SERPINH1: variants seen among roughly 807,000 people sequenced by gnomAD.
SERPINH1 encodes the protein serpin family H member 1, also known as serpin H1.
Under a neutral mutation model 32.3 loss-of-function variants are expected in SERPINH1, and 22 were observed. The observed-to-expected ratio is 0.68, with a 90% CI of 0.49 to 0.97. The LOEUF (loss-of-function observed/expected upper bound fraction) is 0.97. SERPINH1 is among the 50% of genes least tolerant of loss of function. The pLI is 0.00. For missense variants in SERPINH1, 543 were observed against 576.4 expected (o/e 0.94, Z 0.59); for synonymous variants, 251 against 245.9 (o/e 1.02, Z -0.19).
At chr11:75,568,690 C>T (rs769770929) in intron 2 of SERPINH1, 41 bp from the exon 3 acceptor site, 19 of 1,346,692 alleles carry the variant, frequency 1.4e-5, no homozygotes, top group South Asian at 3.5e-5. Flanking sequence ...TGTTTGGGGG[C>T]GGCCATGTGT....
chr11:75,565,209 T>C (rs184401543), intron 1 of SERPINH1, among the ~76,000 whole-genome samples: 12 of 152,310 alleles, frequency 7.9e-5, no homozygotes, highest in Admixed American at 6.5e-4. Flanking sequence ...GGAGGAGGCC[T>C]GAGGGCAACC....
chr11:75,568,685 G>A, intron 2 of SERPINH1, 46 bp from the exon 3 acceptor site: 1 of 1,294,348 alleles, frequency 7.7e-7, no homozygotes, highest in Non-Finnish European at 1.1e-6. Context: ...GATTGTGTTT[G>A]GGGGCGGCCA....
chr11:75,564,079 C>G (rs376432771), intron 1 of SERPINH1, among the ~76,000 whole-genome samples: 2 of 152,152 alleles, frequency 1.3e-5, no homozygotes, highest in East Asian at 1.9e-4. Context: ...GATTCATGTG[C>G]GGATGGGAAG....
At chr11:75,570,448 C>T (rs954157742) in intron 4 of SERPINH1, among the ~76,000 whole-genome samples, 4 of 152,186 alleles carry the variant, frequency 2.6e-5, no homozygotes, top group South Asian at 2.1e-4. Context: ...TGTCCCACCC[C>T]CTTCTCCCCT....
chr11:75,565,719 G>A (rs1253785635), intron 1 of SERPINH1, among the ~76,000 whole-genome samples: 1 of 152,222 alleles, frequency 6.6e-6, no homozygotes, highest in Non-Finnish European at 1.5e-5. Context: ...TAACATCCCA[G>A]AGCAGAATGA....
chr11:75,565,084 C>T (rs1942050125), intron 1 of SERPINH1, among the ~76,000 whole-genome samples: 1 of 152,144 alleles, frequency 6.6e-6, no homozygotes, highest in Non-Finnish European at 1.5e-5. Context: ...GGATAATGGC[C>T]CGAAGGGAGA....
chr11:75,564,482 G>A (rs1015967655), intron 1 of SERPINH1, among the ~76,000 whole-genome samples: 1 of 152,216 alleles, frequency 6.6e-6, no homozygotes, highest in African/African-American at 2.4e-5. Context: ...CTGGATCAGA[G>A]GTGGCTTTTG....
intron 4 of SERPINH1, among the ~76,000 whole-genome samples, chr11:75,569,794 A>G (rs1425359605): frequency 2.0e-5 from 3 of 152,156 alleles, no homozygotes; most frequent in Admixed American, 6.6e-5. Context: ...CATCTTAGAG[A>G]TGAGGAAACT....
intron 1 of SERPINH1, among the ~76,000 whole-genome samples, chr11:75,564,592 T>C (rs1942040198): frequency 6.6e-6 from 1 of 152,240 alleles, no homozygotes; most frequent in East Asian, 1.9e-4. Flanking sequence ...ATATGGTTGC[T>C]CTGCCTTTGA....
Position 75,572,144 on chromosome 11 carries a change from C to A in SERPINH1, c.*61C>A. ...CAAAGGCTCCTGAGACACATGGGTGCTATTGGGGTTGGGGGGGAGGTGAGG... is the reference window on the plus strand; with the variant it reads ...CAAAGGCTCCTGAGACACATGGGTGATATTGGGGTTGGGGGGGAGGTGAGG... On this transcript the variant is annotated 3_prime_UTR_variant, in exon 5 of 5. Coordinates refer to ENST00000358171, the MANE Select transcript of SERPINH1 (RefSeq NM_001235.5). 1 of 1,521,850 alleles carries A rather than the reference C, an allele frequency of 6.6e-7. No individual in the cohort carries two copies. The highest frequency in any genetic ancestry group is 9.1e-7 in the Non-Finnish European group (1 of 1,103,446). The allele number at this position is 1,521,850 out of a possible 1,614,324, so 94.3% of individuals were successfully genotyped here.
rs778537327 is a variant in SERPINH1 at position 75,568,769 on chromosome 11, A to G, written c.661A>G (p.Asn221Asp). ...GAAATTCCACCACAAGATGGTGGACAACCGTGGCTTCATGGTGACTCGGTC... is the reference window on the plus strand; with the variant it reads ...GAAATTCCACCACAAGATGGTGGACGACCGTGGCTTCATGGTGACTCGGTC... ...DEKFHHKMVDNRGFMVTRSYT... is the reference protein window; with the variant it reads ...DEKFHHKMVDDRGFMVTRSYT... Residue 221 changes from asparagine to aspartate, a missense_variant, in exon 3 of 5, where the codon AAC (asparagine) becomes GAC (aspartate). Transcript: ENST00000358171. The G allele has an allele frequency of 6.2e-7, 1 of 1,613,842 alleles. No homozygotes were observed. Among genetic ancestry groups the G allele is most frequent in the East Asian group, 2.2e-5 (1 of 44,878 alleles).
chr11:75,568,396 A>C (rs760787885), intron 2 of SERPINH1: 3 of 407,174 alleles, frequency 7.4e-6, no homozygotes, highest in Non-Finnish European at 1.4e-5. Flanking sequence ...CCCACCTCAG[A>C]GCATGTTTCC....
intron 4 of SERPINH1, among the ~76,000 whole-genome samples, chr11:75,570,752 G>A (rs1942182464): frequency 6.6e-6 from 1 of 152,230 alleles, no homozygotes; most frequent in African/African-American, 2.4e-5. Flanking sequence ...TGAGAGCCAG[G>A]GAGAGCGCTG....
chr11:75,571,633 G>A, intron 4 of SERPINH1, 148 bp from the exon 5 acceptor site: 1 of 712,292 alleles, frequency 1.4e-6, no homozygotes, highest in Non-Finnish European at 2.5e-6. Flanking sequence ...GATTTGAAGT[G>A]CCAGTGCCAT....
chr11:75,569,841 C>G (rs1942167296), intron 4 of SERPINH1, among the ~76,000 whole-genome samples: 1 of 152,182 alleles, frequency 6.6e-6, no homozygotes, highest in South Asian at 2.1e-4. Context: ...TGCAAAGTCA[C>G]ACAGCTAGTA....
rs111736118 is a variant in SERPINH1 at position 75,572,299 on chromosome 11, C to T, written c.*216C>T. ...GCCCCAGATACCATGATGCTGAGCCCGGAAACTCCACATCCTGTGGGACCT... is the reference window on the plus strand; with the variant it reads ...GCCCCAGATACCATGATGCTGAGCCTGGAAACTCCACATCCTGTGGGACCT... On this transcript the variant is annotated 3_prime_UTR_variant, in exon 5 of 5. Coordinates refer to ENST00000358171, the MANE Select transcript of SERPINH1 (RefSeq NM_001235.5). 220 of 617,438 alleles carry T rather than the reference C, an allele frequency of 3.6e-4. 1 individual carries two copies. Among genetic ancestry groups the T allele is most frequent in the African/African-American group, 3.2e-3 (178 of 55,000 alleles). 38.2% of individuals were successfully genotyped at this position (617,438 alleles called of 1,614,324 possible).
rs771012011 is a variant in SERPINH1 at position 75,569,093 on chromosome 11, C to G, written c.876C>G (p.Ile292Met). ...TGCTAACCAAAGAGCAGCTGAAGAT[C>G]TGGATGGGGAAGATGCAGAAGAAGG... ...EKLLTKEQLK[I>M]WMGKMQKKAV... The change falls in exon 4 of 5, where the codon ATC (isoleucine) becomes ATG (methionine). Residue 292 changes from isoleucine (I) to methionine (M), a missense_variant. Ile to Met is a conservative substitution (Grantham distance 10). Around this residue, in one of 3 missense-constraint regions of SERPINH1, gnomAD observed 427 missense variants for 446.4 expected, o/e 0.96. Coordinates refer to ENST00000358171, the MANE Select transcript of SERPINH1 (RefSeq NM_001235.5). 1 of 1,614,212 alleles carries G rather than the reference C, an allele frequency of 6.2e-7. No homozygotes were observed. Among genetic ancestry groups the G allele is most frequent in the Admixed American group, 1.7e-5 (1 of 60,034 alleles).
At chr11:75,564,360 T>C (rs1423235035) in intron 1 of SERPINH1, among the ~76,000 whole-genome samples, 1 of 152,152 alleles carries the variant, frequency 6.6e-6, no homozygotes, top group East Asian at 1.9e-4. Flanking sequence ...GGGTGGGGGC[T>C]GTCAAGATGG....
At chr11:75,569,548 G>A (rs574991312) in intron 4 of SERPINH1, 110 of 172,488 alleles carry the variant, frequency 6.4e-4, no homozygotes, top group African/African-American at 2.5e-3. Context: ...TCAGCCTCCC[G>A]AGTAGCTGGG....
Sources: allele counts gnomAD v4.1 joint callset (sites outside exome capture counted in the v4.1 genomes callset), GRCh38; gene constraint gnomAD v4.1.1; regional missense constraint gnomAD v4.1.1; transcripts MANE v1.5; gene names NCBI Gene and HGNC (gene_info 2026-07-23, HGNC 2026-07-21).